PTX3: variants seen among roughly 807,000 people sequenced by gnomAD.
PTX3 encodes pentraxin-related protein PTX3.
In PTX3, 24 loss-of-function variants were observed where a neutral mutation model predicts 23.5. The observed-to-expected ratio is 1.02, with a 90% CI of 0.74 to 1.43. The LOEUF (loss-of-function observed/expected upper bound fraction) is 1.43. PTX3 is among the 40% of genes most tolerant of loss of function. The probability of loss-of-function intolerance (pLI) is 0.00; values close to 1 mark genes in which losing one functional copy is unlikely to be tolerated. For synonymous variants in PTX3, 218 were observed against 205.4 expected (o/e 1.06, Z -0.53); for missense variants, 510 against 497.5 (o/e 1.02, Z -0.24).
chr3:157,437,016 T>A lies in PTX3; in HGVS notation c.83T>A (p.Val28Glu). ...ENSDDYDLMY[V>E]NLDNEIDNGL... ...TCGGATGATTATGATCTCATGTATG[T>A]GAATTTGGACAACGAAATAGACAAT... The change falls in exon 1 of 3, where the codon GTG (valine) becomes GAG (glutamate). Residue 28 changes from valine (V) to glutamate (E), a missense_variant. Physicochemically the swap from Val to Glu is moderately radical, Grantham distance 121 (BLOSUM62 -2). Transcript: ENST00000295927. 1 of 1,614,050 alleles carries A rather than the reference T, an allele frequency of 6.2e-7. No homozygotes were observed. The highest frequency in any genetic ancestry group is 2.2e-5 in the East Asian group (1 of 44,876).
In PTX3 at chr3:157,437,854, C is replaced by T; in HGVS notation, c.472C>T (p.Gln158Ter). ...GGCCGCGGTGCTAGAGGAGCTGCGG[C>T]AGACGCGAGCCGACCTGCACGCGGT... ...ALAAVLEELR[Q>*]TRADLHAVQG... The change falls in exon 2 of 3, where the codon CAG becomes TAG. Residue 158 changes from glutamine to a stop codon, truncating the protein, a stop_gained. Transcript: ENST00000295927. LOFTEE classifies it high-confidence loss of function. 1 of 1,497,816 alleles carries T rather than the reference C, an allele frequency of 6.7e-7. No individual in the cohort carries two copies. The highest frequency in any genetic ancestry group is 8.8e-7 in the Non-Finnish European group (1 of 1,132,988). 92.8% of individuals were successfully genotyped at this position (1,497,816 alleles called of 1,614,324 possible). A position where few individuals can be genotyped will look rare whatever the true frequency, so the allele number is the denominator to read the frequency against.
chr3:157,437,658 G>T lies in PTX3; in HGVS notation c.276G>T (p.Leu92=). ...AGCTGCAGAGGCTGCGGGAGGAGCT[G>T]GGCCGGCTCGCGGAAAGCCTGGCGA... The part of the protein sequence containing the change: ...RGELQRLREE[L]GRLAESLARP... The change falls in exon 2 of 3, where the codon CTG becomes CTT. Residue 92 remains leucine (L), a synonymous_variant. Coordinates refer to ENST00000295927, the MANE Select transcript of PTX3 (RefSeq NM_002852.4). 6.5e-7 allele frequency: 1 copy of T among 1,542,174 alleles called. No individual in the cohort carries two copies.
chr3:157,443,040 T>A lies in PTX3; in HGVS notation c.*61T>A. On this transcript the variant is annotated 3_prime_UTR_variant, in exon 3 of 3. Coordinates refer to ENST00000295927, the MANE Select transcript of PTX3 (RefSeq NM_002852.4). ...ACTCACACTTAAAACACATGCCAGTTGGGAAGGTCTGAAAACTCAGTGCAT... is the reference window on the plus strand; with the variant it reads ...ACTCACACTTAAAACACATGCCAGTAGGGAAGGTCTGAAAACTCAGTGCAT... 1 of 1,529,978 alleles carries A rather than the reference T, an allele frequency of 6.5e-7. No individual in the cohort carries two copies. The highest frequency in any genetic ancestry group is 8.8e-7 in the Non-Finnish European group (1 of 1,142,222). The allele number at this position is 1,529,978 out of a possible 1,614,324, so 94.8% of individuals were successfully genotyped here. A position where few individuals can be genotyped will look rare whatever the true frequency, so the allele number is the denominator to read the frequency against.
intron 2 of PTX3, among the ~76,000 whole-genome samples, chr3:157,440,674 G>A (rs1232962580): frequency 1.3e-5 from 2 of 151,364 alleles, no homozygotes; most frequent in Middle Eastern, 3.4e-3. Context: ...GTATATATAC[G>A]TATACATACA....
At chr3:157,439,978 C>T (rs1380187182) in intron 2 of PTX3, among the ~76,000 whole-genome samples, 2 of 152,110 alleles carry the variant, frequency 1.3e-5, no homozygotes, top group East Asian at 3.9e-4. Flanking sequence ...TCTCGATCTC[C>T]TGACCTTGTG....
At position 157,437,696 on chromosome 3, in the gene PTX3, C is replaced by T; in HGVS notation, c.314C>T (p.Pro105Leu). The T allele has an allele frequency of 1.3e-6, 2 of 1,532,020 alleles. No homozygotes were observed. Among genetic ancestry groups the T allele is most frequent in the Non-Finnish European group, 8.7e-7 (1 of 1,144,060 alleles). The allele number at this position is 1,532,020 out of a possible 1,614,324, so 94.9% of individuals were successfully genotyped here. The part of the protein sequence containing the change: ...LAESLARPCA[P>L]GAPAEARLTS... ...GAAAGCCTGGCGAGGCCGTGCGCGC[C>T]GGGGGCTCCCGCAGAGGCCAGGCTG... Residue 105 changes from proline to leucine, a missense_variant, in exon 2 of 3, where the codon CCG (proline) becomes CTG (leucine). Physicochemically the swap from Pro to Leu is moderately conservative, Grantham distance 98. Coordinates refer to ENST00000295927, the MANE Select transcript of PTX3 (RefSeq NM_002852.4).
intron 1 of PTX3, 38 bp downstream of exon 1, chr3:157,437,101 T>A: frequency 6.2e-7 from 1 of 1,605,188 alleles, no homozygotes; most frequent in Non-Finnish European, 8.5e-7. Flanking sequence ...TAACCCTGAC[T>A]ACATATCCAC....
intron 2 of PTX3, among the ~76,000 whole-genome samples, chr3:157,441,037 G>T (rs973269218): frequency 3.9e-5 from 6 of 152,218 alleles, no homozygotes; most frequent in African/African-American, 1.4e-4. Flanking sequence ...CAGACTTGCA[G>T]AATATTAGGA....
In PTX3 at chr3:157,442,790, G is replaced by C; in HGVS notation, c.957G>C (p.Val319=). 11 of 1,614,232 alleles carry C rather than the reference G, an allele frequency of 6.8e-6. No homozygotes were observed. Among genetic ancestry groups the C allele is most frequent in the Non-Finnish European group, 9.3e-6 (11 of 1,180,032 alleles). ...QIGQEKNGCC[V]GGGFDETLAF... is the part of the protein sequence containing the mutation. ...GCCAAGAAAAGAATGGCTGCTGTGT[G>C]GGTGGTGGCTTTGATGAAACATTAG... Residue 319 remains valine (V), a synonymous_variant, in exon 3 of 3, where the codon GTG becomes GTC. Coordinates refer to ENST00000295927, the MANE Select transcript of PTX3 (RefSeq NM_002852.4).
rs143914335 is a variant in PTX3 at position 157,442,418 on chromosome 3, C to T, written c.585C>T (p.Ser195=). The change falls in exon 3 of 3, where the codon AGC becomes AGT. Residue 195 remains serine, a synonymous_variant. Transcript: ENST00000295927. ...TGCGTTCCAAGAAGATTTTTGGAAG[C>T]GTGCATCCAGTGAGACCAATGAGGC... is the stretch of plus-strand genomic sequence containing the variant. ...FPMRSKKIFG[S]VHPVRPMRLE... is the part of the protein sequence containing the mutation. 2.1e-4 allele frequency: 344 copies of T among 1,613,812 alleles called. No individual in the cohort carries two copies. Among genetic ancestry groups the T allele is most frequent in the Non-Finnish European group, 2.8e-4 (328 of 1,179,872 alleles).
chr3:157,442,815 G>T lies in PTX3; in HGVS notation c.982G>T (p.Ala328Ser), dbSNP rs764407164. 9.9e-6 allele frequency: 16 copies of T among 1,614,098 alleles called. No homozygotes were observed. Among genetic ancestry groups the T allele is most frequent in the Non-Finnish European group, 3.4e-6 (4 of 1,180,038 alleles). Residue 328 changes from alanine (A) to serine (S), a missense_variant, in exon 3 of 3, where the codon GCC (alanine) becomes TCC (serine). Transcript: ENST00000295927. ...CVGGGFDETL[A>S]FSGRLTGFNI... ...GGGTGGTGGCTTTGATGAAACATTA[G>T]CCTTCTCTGGGAGACTCACAGGCTT...
Position 157,437,858 on chromosome 3 carries a change from C to T in PTX3, c.476C>T (p.Thr159Met), listed in dbSNP as rs112277608. 2,530 of 1,498,824 alleles carry T rather than the reference C, an allele frequency of 1.7e-3. 55 individuals carry two copies. The African/African-American group carries it at 0.031, about 19-fold the overall frequency. The allele number at this position is 1,498,824 out of a possible 1,614,324, so 92.8% of individuals were successfully genotyped here. The change falls in exon 2 of 3, where the codon ACG (threonine) becomes ATG (methionine). Residue 159 changes from threonine (T) to methionine (M), a missense_variant. By Grantham distance (81) the Thr-to-Met change is moderately conservative (BLOSUM62 -1). Transcript: ENST00000295927. ...GCGGTGCTAGAGGAGCTGCGGCAGA[C>T]GCGAGCCGACCTGCACGCGGTGCAG... ...LAAVLEELRQTRADLHAVQGW... is the reference protein window; with the variant it reads ...LAAVLEELRQMRADLHAVQGW...
rs771097774 is a variant in PTX3, at chr3:157,442,890, G to GA, written c.1057_1058insA (p.Gly353GlufsTer46). The GA allele has an allele frequency of 1.9e-6, 3 of 1,614,208 alleles. No individual in the cohort carries two copies. Among genetic ancestry groups the GA allele is most frequent in the Non-Finnish European group, 1.7e-6 (2 of 1,180,034 alleles). ...CAATGAAGAGATAAGAGAGACCGGA[G>GA]GAGCAGAGTCTTGTCACATCCGGGG... On this transcript the variant is annotated frameshift_variant, in exon 3 of 3. Transcript: ENST00000295927. LOFTEE classifies it high-confidence loss of function.
Position 157,442,648 on chromosome 3 carries a change from G to T in PTX3, c.815G>T (p.Gly272Val), listed in dbSNP as rs765775634. Residue 272 changes from glycine to valine, a missense_variant, in exon 3 of 3, where the codon GGC becomes GTC. Coordinates refer to ENST00000295927, the MANE Select transcript of PTX3 (RefSeq NM_002852.4). ...VSLGRWTHLCGTWNSEEGLTS... is the reference protein window; with the variant it reads ...VSLGRWTHLCVTWNSEEGLTS... ...CTGGGAAGGTGGACCCACCTGTGCG[G>T]CACCTGGAATTCAGAGGAAGGGCTC... 6.2e-7 allele frequency: 1 copy of T among 1,614,238 alleles called. No homozygotes were observed. Among genetic ancestry groups the T allele is most frequent in the South Asian group, 1.1e-5 (1 of 91,088 alleles).
chr3:157,438,073 C>CACA (rs1560062154), intron 2 of PTX3, among the ~76,000 whole-genome samples, 159 bp downstream of exon 2: 1 of 136,752 alleles, frequency 7.3e-6, no homozygotes, highest in African/African-American at 2.6e-5. Flanking sequence ...ACACACACAC[C>CACA]CCTATTTCTG....
In PTX3 at chr3:157,442,940, A is replaced by T. The variant is rs781412181; in HGVS notation, c.1107A>T (p.Thr369=). 2 of 1,613,658 alleles carry T rather than the reference A, an allele frequency of 1.2e-6. No homozygotes were observed. The highest frequency in any genetic ancestry group is 1.7e-6 in the Non-Finnish European group (2 of 1,179,728). ...GGAATATTGTTGGGTGGGGAGTCACAGAGATCCAGCCACATGGAGGAGCTC... is the reference window on the plus strand; with the variant it reads ...GGAATATTGTTGGGTGGGGAGTCACTGAGATCCAGCCACATGGAGGAGCTC... ...IRGNIVGWGV[T]EIQPHGGAQY... Residue 369 remains threonine, a synonymous_variant, in exon 3 of 3, where the codon ACA becomes ACT. Coordinates refer to ENST00000295927, the MANE Select transcript of PTX3 (RefSeq NM_002852.4).
intron 2 of PTX3, 123 bp downstream of exon 2, chr3:157,438,037 GCACA>G (rs781700719): frequency 1.5e-3 from 784 of 513,818 alleles, no homozygotes; most frequent in East Asian, 6.0e-3. Flanking sequence ...GCGCGCGCGC[GCACA>G]CACACACACA....
At chr3:157,437,976 G>C (rs1028058760) in intron 2 of PTX3, 62 bp downstream of exon 2, 19 of 1,499,356 alleles carry the variant, frequency 1.3e-5, no homozygotes, top group Admixed American at 2.3e-5. Context: ...CGCGCGTAAC[G>C]GCAAGCCAAG....
chr3:157,439,007 A>G (rs2109210134), intron 2 of PTX3, among the ~76,000 whole-genome samples: 1 of 152,316 alleles, frequency 6.6e-6, no homozygotes, highest in East Asian at 1.9e-4. Flanking sequence ...ATGTAATGAG[A>G]GCATGTTTCA....
Sources: allele counts gnomAD v4.1 joint callset (sites outside exome capture counted in the v4.1 genomes callset), GRCh38; gene constraint gnomAD v4.1.1; transcripts MANE v1.5; gene names NCBI Gene and HGNC (gene_info 2026-07-23, HGNC 2026-07-21).